CNTNAP2: variants seen among roughly 807,000 people sequenced by gnomAD.
CNTNAP2 encodes the protein contactin associated protein 2, also known as contactin-associated protein-like 2.
In CNTNAP2, 98 loss-of-function variants were observed where a neutral mutation model predicts 155.2. The observed-to-expected ratio is 0.63, with a 90% CI of 0.54 to 0.75. CNTNAP2 has a LOEUF of 0.75. CNTNAP2 is among the 30% of genes least tolerant of loss of function. The pLI is 0.00. For synonymous variants in CNTNAP2, 651 were observed against 631.2 expected (o/e 1.03, Z -0.47); for missense variants, 1,727 against 1,688.1 (o/e 1.02, Z -0.40).
chr7:147,990,641 A>G (rs1801696188), intron 15 of CNTNAP2, among the ~76,000 whole-genome samples: 2 of 151,896 alleles, frequency 1.3e-5, no homozygotes, highest in Non-Finnish European at 2.9e-5. Flanking sequence ...GGTCATGCTG[A>G]CCTTAGCCTG....
chr7:147,626,514 C>T (rs1202908235), intron 12 of CNTNAP2, among the ~76,000 whole-genome samples: 1 of 152,142 alleles, frequency 6.6e-6, no homozygotes, highest in Admixed American at 6.5e-5. Context: ...CATAACCCTG[C>T]CCTGACCTGA....
chr7:147,425,290 C>T (rs908940633), intron 10 of CNTNAP2, among the ~76,000 whole-genome samples: 1 of 150,378 alleles, frequency 6.6e-6, no homozygotes, highest in Non-Finnish European at 1.5e-5. Context: ...AATCACTGTT[C>T]AGGATTGGAA....
At chr7:146,929,142 G>A (rs895550275) in intron 3 of CNTNAP2, among the ~76,000 whole-genome samples, 1 of 152,186 alleles carries the variant, frequency 6.6e-6, no homozygotes, top group African/African-American at 2.4e-5. Context: ...TCCTCAAGTG[G>A]GTCCCTGACC....
At chr7:148,188,788 T>C (rs1255578560) in intron 18 of CNTNAP2, among the ~76,000 whole-genome samples, 1 of 152,236 alleles carries the variant, frequency 6.6e-6, no homozygotes, top group African/African-American at 2.4e-5. Context: ...AGTATTAGCA[T>C]ATATAGCATT....
chr7:148,245,825 G>A (rs1472604707), intron 20 of CNTNAP2, among the ~76,000 whole-genome samples: 1 of 152,092 alleles, frequency 6.6e-6, no homozygotes, highest in Non-Finnish European at 1.5e-5. Flanking sequence ...ATGAGCACTC[G>A]TACAGGGCCG....
intron 10 of CNTNAP2, among the ~76,000 whole-genome samples, chr7:147,480,399 T>A (rs1798400354): frequency 6.6e-6 from 1 of 152,190 alleles, no homozygotes; most frequent in Non-Finnish European, 1.5e-5. Context: ...AAATTAAATA[T>A]CCTAGCACTG....
rs112967895 is a variant in CNTNAP2, at chr7:147,369,664, A to G, written c.1499-25945A>G. On this transcript the variant is annotated intron_variant, in intron 9 of 23. Coordinates refer to ENST00000361727, the MANE Select transcript of CNTNAP2 (RefSeq NM_014141.6). ...ACAGAAGCAGTCGTAGACAATATGT[A>G]AATGAGGGAACATACTCCTGTTCCT... 2.2e-3 allele frequency among the ~76,000 whole-genome samples: 329 copies of G among 152,344 alleles called. 1 individual carries two copies. The highest frequency in any genetic ancestry group is 6.8e-3 in the Middle Eastern group (2 of 294).
chr7:148,318,401 T>C (rs1797730205), intron 21 of CNTNAP2, among the ~76,000 whole-genome samples: 1 of 152,166 alleles, frequency 6.6e-6, no homozygotes, highest in Non-Finnish European at 1.5e-5. Context: ...GAAGCGTGTG[T>C]GATTTTTTTG....
chr7:148,000,633 G>A (rs1801879389), intron 15 of CNTNAP2, among the ~76,000 whole-genome samples: 1 of 152,104 alleles, frequency 6.6e-6, no homozygotes, highest in Non-Finnish European at 1.5e-5. Flanking sequence ...GTTTAGCAAG[G>A]CTGCACCAGA....
chr7:146,718,949 T>C (rs1199840436), intron 1 of CNTNAP2, among the ~76,000 whole-genome samples: 1 of 152,156 alleles, frequency 6.6e-6, no homozygotes, highest in Non-Finnish European at 1.5e-5. Context: ...CTTTTACAAT[T>C]ATGTCCAATA....
At chr7:148,207,162 T>G (rs1424860983) in intron 18 of CNTNAP2, among the ~76,000 whole-genome samples, 5 of 152,272 alleles carry the variant, frequency 3.3e-5, no homozygotes, top group African/African-American at 4.8e-5. Context: ...AACAAGGTTA[T>G]ACTTGTTGGA....
intron 1 of CNTNAP2, among the ~76,000 whole-genome samples, chr7:146,681,609 G>A (rs1235268364): frequency 1.7e-5 from 2 of 118,914 alleles, no homozygotes; most frequent in African/African-American, 3.1e-5. Flanking sequence ...GGGTGGGAAA[G>A]GGGAGAGTGG....
intron 1 of CNTNAP2, among the ~76,000 whole-genome samples, chr7:146,237,827 A>C (rs1005239934): frequency 2.0e-5 from 3 of 152,178 alleles, no homozygotes; most frequent in African/African-American, 7.2e-5. Context: ...CCTTGTTACT[A>C]GTTTAACTTT....
At chr7:146,986,532 G>A (rs936093552) in intron 3 of CNTNAP2, among the ~76,000 whole-genome samples, 1 of 152,142 alleles carries the variant, frequency 6.6e-6, no homozygotes, top group Admixed American at 6.6e-5. Context: ...TAGTGGAATT[G>A]CTGGATCAAA....
chr7:146,270,580 C>T (rs760194153), intron 1 of CNTNAP2, among the ~76,000 whole-genome samples: 7 of 151,954 alleles, frequency 4.6e-5, no homozygotes, highest in Non-Finnish European at 7.4e-5. Flanking sequence ...AACTTTTAAA[C>T]AATTTTAATA....
intron 4 of CNTNAP2, among the ~76,000 whole-genome samples, chr7:147,104,900 A>G (rs1800732663): frequency 1.5e-5 from 1 of 65,680 alleles, no homozygotes; most frequent in African/African-American, 5.9e-5. Context: ...ATATATATAT[A>G]TATATATATA....
chr7:147,796,941 TAGAC>T (rs1797905982), intron 13 of CNTNAP2, among the ~76,000 whole-genome samples: 1 of 152,210 alleles, frequency 6.6e-6, no homozygotes, highest in African/African-American at 2.4e-5. Flanking sequence ...GAGTGGGTCT[TAGAC>T]AGCTGAATGT....
chr7:147,028,816 C>CA (rs1798970806), intron 3 of CNTNAP2, among the ~76,000 whole-genome samples: 1 of 151,840 alleles, frequency 6.6e-6, no homozygotes, highest in African/African-American at 2.4e-5. Flanking sequence ...CATTTGAAGA[C>CA]AAAAAAGCAG....
chr7:146,810,076 T>C (rs966942383), intron 2 of CNTNAP2, among the ~76,000 whole-genome samples: 3 of 152,144 alleles, frequency 2.0e-5, no homozygotes, highest in African/African-American at 7.2e-5. Context: ...GGATATCCAG[T>C]TTTTCAAACC....
Sources: allele counts gnomAD v4.1 joint callset (sites outside exome capture counted in the v4.1 genomes callset), GRCh38; gene constraint gnomAD v4.1.1; transcripts MANE v1.5; gene names NCBI Gene and HGNC (gene_info 2026-07-23, HGNC 2026-07-21).